Variants in IL27RA observed in about 807,000 individuals in gnomAD.
The protein encoded by IL27RA is interleukin-27 receptor subunit alpha.
A neutral mutation model predicts 80.8 loss-of-function variants in IL27RA; 61 were observed. The observed-to-expected ratio is 0.76, with a 90% CI of 0.61 to 0.93. The LOEUF is 0.93. Ranked by LOEUF, IL27RA falls within the 40% of genes least tolerant of loss-of-function variation. IL27RA has a pLI of 0.00. For synonymous variants in IL27RA, 316 were observed against 332.5 expected, an observed-to-expected ratio of 0.95 and a Z score of 0.54; for missense variants, 735 against 808.1, an observed-to-expected ratio of 0.91 and a Z score of 1.10.
At chr19:14,041,373 A>AT (rs199917798) in intron 4 of IL27RA, among the ~76,000 whole-genome samples, 4 of 146,032 alleles carry the variant, frequency 2.7e-5, no homozygotes, top group East Asian at 2.0e-4. Flanking sequence ...AAGTTTTTGT[A>AT]TTTTTTTTAA....
intron 8 of IL27RA, among the ~76,000 whole-genome samples, chr19:14,047,239 G>A (rs997171149): frequency 1.3e-5 from 2 of 149,574 alleles, no homozygotes; most frequent in Admixed American, 6.7e-5. Flanking sequence ...AAGTAGAGAC[G>A]GGGTTTCACC....
In IL27RA at chr19:14,039,907, C is replaced by T. The variant is rs1975965886; in HGVS notation, c.531C>T (p.Thr177=). The T allele has an allele frequency of 6.2e-7, 1 of 1,613,930 alleles. No homozygotes were observed. Among genetic ancestry groups the T allele is most frequent in the Admixed American group, 1.7e-5 (1 of 59,970 alleles). The change falls in exon 4 of 14, where the codon ACC becomes ACT. Residue 177 remains threonine (T), a synonymous_variant. Coordinates refer to ENST00000263379, the MANE Select transcript of IL27RA (RefSeq NM_004843.4). ...GAAGATGTCAGGAGGCGGCCTGGAC[C>T]CTGGTGAGTGCTGGGGTCCTTTTCT... is the stretch of plus-strand genomic sequence containing the variant. ...HYRRCQEAAW[T]LLEPELKTIP... is the part of the protein sequence containing the mutation.
intron 8 of IL27RA, 113 bp downstream of exon 8, chr19:14,046,731 T>C (rs1480952411): frequency 6.7e-6 from 7 of 1,041,420 alleles, no homozygotes; most frequent in Non-Finnish European, 9.6e-6. Context: ...GCTTGGTGGC[T>C]CATGCCTGTA....
At chr19:14,052,008 G>C (rs920539409) in intron 13 of IL27RA, 35 bp downstream of exon 13, 3 of 1,570,688 alleles carry the variant, frequency 1.9e-6, no homozygotes, top group African/African-American at 2.7e-5. Context: ...GAGCCCTCTG[G>C]GGGACTGGGG....
intron 2 of IL27RA, 54 bp from the exon 3 acceptor site, chr19:14,039,454 A>C: frequency 6.4e-7 from 1 of 1,560,564 alleles, no homozygotes; most frequent in Non-Finnish European, 8.7e-7. Context: ...GGTGGTTATC[A>C]GTGGCCCTGG....
chr19:14,042,702 C>T lies in IL27RA; in HGVS notation c.695-14C>T. On this transcript the variant is annotated splice_polypyrimidine_tract_variant and intron_variant, in intron 5 of 13. Transcript: ENST00000263379. ...GTCCCACTCATTTGTTCCCCGTTTCCTCATCCTTGCCAGCTCCAAAAGATG... is the reference window on the plus strand; with the variant it reads ...GTCCCACTCATTTGTTCCCCGTTTCTTCATCCTTGCCAGCTCCAAAAGATG... 1 of 1,614,188 alleles carries T rather than the reference C, an allele frequency of 6.2e-7. No homozygotes were observed. The highest frequency in any genetic ancestry group is 2.2e-5 in the East Asian group (1 of 44,882).
At chr19:14,040,579 G>A (rs534567648) in intron 4 of IL27RA, among the ~76,000 whole-genome samples, 11 of 151,992 alleles carry the variant, frequency 7.2e-5, no homozygotes, top group East Asian at 5.9e-4. Context: ...CCAGCACTGT[G>A]GGAGGCCAAG....
At position 14,039,527 on chromosome 19, in the gene IL27RA, AC is replaced by A; in HGVS notation, c.239del (p.Thr80MetfsTer41). On this transcript the variant is annotated frameshift_variant, in exon 3 of 14. Transcript: ENST00000263379. LOFTEE classifies it high-confidence loss of function. ...TCACAGCCGTTCCAACAAAACCCAG[AC>A]TGTGGCAGTGGCAGCCGGACGGAGC... ...SQKYRSNKTQTVAVAAGRSWV... is the reference protein window; with the variant it reads ...SQKYRSNKTQXVAVAAGRSWV... 1 of 1,613,646 alleles carries A rather than the reference AC, an allele frequency of 6.2e-7. No individual in the cohort carries two copies.
rs1246394337 is a variant in IL27RA, at chr19:14,053,014, G to T, written c.*724G>T. On this transcript the variant is annotated 3_prime_UTR_variant, in exon 14 of 14. Coordinates refer to ENST00000263379, the MANE Select transcript of IL27RA (RefSeq NM_004843.4). ...TCTTGACAACAGAATGTGGTCAGAA[G>T]TGACATATGCCAACACGGGGTCTGG... 1.3e-5 allele frequency: 2 copies of T among 152,232 alleles called. No individual in the cohort carries two copies. The highest frequency in any genetic ancestry group is 1.3e-4 in the Admixed American group (2 of 15,270). The allele number at this position is 152,232 out of a possible 1,614,324, so 9.4% of individuals were successfully genotyped here. A position where few individuals can be genotyped will look rare whatever the true frequency, so the allele number is the denominator to read the frequency against.
intron 6 of IL27RA, among the ~76,000 whole-genome samples, chr19:14,045,587 C>T (rs1195312532): frequency 7.2e-6 from 1 of 139,526 alleles, no homozygotes; most frequent in South Asian, 2.3e-4. Flanking sequence ...GGCGACAGAG[C>T]GAGACTCTGT....
chr19:14,052,938 A>G lies in IL27RA; in HGVS notation c.*648A>G, dbSNP rs1976205615. 1 of 151,684 alleles carries G rather than the reference A, an allele frequency of 6.6e-6. No individual in the cohort carries two copies. Among genetic ancestry groups the G allele is most frequent in the Admixed American group, 6.6e-5 (1 of 15,198 alleles). 9.4% of individuals were successfully genotyped at this position (151,684 alleles called of 1,614,324 possible). A position where few individuals can be genotyped will look rare whatever the true frequency, so the allele number is the denominator to read the frequency against. ...AAAAAAAGAAAAGAAAAAACACTGC[A>G]TTTGGGCACCATCTCAGCTCCCTTG... On this transcript the variant is annotated 3_prime_UTR_variant, in exon 14 of 14. Transcript: ENST00000263379.
At chr19:14,040,030 C>A in intron 4 of IL27RA, 120 bp downstream of exon 4, 1 of 988,324 alleles carries the variant, frequency 1.0e-6, no homozygotes, top group East Asian at 2.4e-5. Context: ...GTATGCCTCC[C>A]ACTCAAAATG....
At position 14,047,820 on chromosome 19, in the gene IL27RA, A is replaced by ATT. The variant is rs547206577; in HGVS notation, c.1142-1147_1142-1146dup. ...AGGCGCCCGCCACCACGCCCGGCTAATTTTTTTTTTTTTTTGTATTTTTAG... is the reference window on the plus strand; with the variant it reads ...AGGCGCCCGCCACCACGCCCGGCTAATTTTTTTTTTTTTTTTTGTATTTTTAG... On this transcript the variant is annotated intron_variant, in intron 8 of 13. Transcript: ENST00000263379. Among the ~76,000 whole-genome samples the ATT allele has an allele frequency of 3.5e-3, 490 of 140,312 alleles. 1 individual carries two copies. The highest frequency in any genetic ancestry group is 9.9e-3 in the African/African-American group (376 of 38,120). 92.1% of individuals were successfully genotyped at this position (140,312 alleles called of 152,430 possible). A position where few individuals can be genotyped will look rare whatever the true frequency, so the allele number is the denominator to read the frequency against.
Position 14,052,240 on chromosome 19 carries a change from C to T in IL27RA, c.1861C>T (p.Pro621Ser). 1 of 1,573,584 alleles carries T rather than the reference C, an allele frequency of 6.4e-7. No individual in the cohort carries two copies. The highest frequency in any genetic ancestry group is 8.6e-7 in the Non-Finnish European group (1 of 1,161,576). The change falls in exon 14 of 14, where the codon CCT becomes TCT. Residue 621 changes from proline to serine, a missense_variant. Physicochemically the swap from Pro to Ser is moderately conservative, Grantham distance 74. Transcript: ENST00000263379. The part of the protein sequence containing the change: ...SGYEKHFLPT[P>S]EELGLLGPPR... ...GTATGAGAAGCACTTCCTGCCCACA[C>T]CTGAGGAGCTGGGCCTTCTGGGGCC...
intron 6 of IL27RA, among the ~76,000 whole-genome samples, chr19:14,045,174 C>T (rs1039201820): frequency 9.3e-5 from 14 of 150,086 alleles, no homozygotes; most frequent in Middle Eastern, 3.6e-3. Context: ...ATAGTCCCAG[C>T]TACTGGGGAG....
chr19:14,042,752 G>A lies in IL27RA; in HGVS notation c.731G>A (p.Gly244Glu), dbSNP rs763031588. 3.1e-6 allele frequency: 5 copies of A among 1,614,144 alleles called. No individual in the cohort carries two copies. Among genetic ancestry groups the A allele is most frequent in the South Asian group, 2.2e-5 (2 of 91,078 alleles). Residue 244 changes from glycine (G) to glutamate (E), a missense_variant, in exon 6 of 14, where the codon GGG (glycine) becomes GAG (glutamate). By Grantham distance (98) the Gly-to-Glu change is moderately conservative. Transcript: ENST00000263379. ...KDVWVSGNLC[G>E]TPGGEEPLLL... ...GTGTGGGTATCAGGGAACCTCTGTG[G>A]GACGCCTGGAGGAGAGGAACCTTTG...
chr19:14,038,246 G>T (rs1016301823), intron 2 of IL27RA, among the ~76,000 whole-genome samples: 1 of 151,884 alleles, frequency 6.6e-6, no homozygotes, highest in African/African-American at 2.4e-5. Context: ...GGGCTCAATC[G>T]ATCCTCCCAC....
Position 14,046,315 on chromosome 19 carries a change from C to T in IL27RA, c.930C>T (p.Thr310=), listed in dbSNP as rs1976064316. Residue 310 remains threonine (T), a synonymous_variant, in exon 7 of 14, where the codon ACC becomes ACT. Transcript: ENST00000263379. ...ACGCCACAAGCTGGGAGCCTCTCACCAACCTCTCTTTGGTCTGCTTGGGTA... is the reference window on the plus strand; with the variant it reads ...ACGCCACAAGCTGGGAGCCTCTCACTAACCTCTCTTTGGTCTGCTTGGGTA... The part of the protein sequence containing the change: ...AVNATSWEPL[T]NLSLVCLDSA... 1 of 1,613,822 alleles carries T rather than the reference C, an allele frequency of 6.2e-7. No homozygotes were observed. The highest frequency in any genetic ancestry group is 1.3e-5 in the African/African-American group (1 of 74,912).
Position 14,035,393 on chromosome 19 carries a change from G to A in IL27RA, c.218+2890G>A, listed in dbSNP as rs138973544. On this transcript the variant is annotated intron_variant, in intron 2 of 13. Transcript: ENST00000263379. Reference sequence around the variant, plus strand: ...CGGTTACCATTCACCTCCAGAAGGGGGCCTAGTTTTTTTTTATTTGAGATG... The same window carrying A: ...CGGTTACCATTCACCTCCAGAAGGGAGCCTAGTTTTTTTTTATTTGAGATG... Among the ~76,000 whole-genome samples the A allele has an allele frequency of 1.3e-4, 19 of 151,512 alleles. No homozygotes were observed. In the East Asian group the frequency reaches 3.7e-3, roughly 30 times the overall value.
Sources: allele counts gnomAD v4.1 joint callset (sites outside exome capture counted in the v4.1 genomes callset), GRCh38; gene constraint gnomAD v4.1.1; transcripts MANE v1.5; gene names NCBI Gene and HGNC (gene_info 2026-07-23, HGNC 2026-07-21).